Variants in TAFA5 observed in about 807,000 individuals in gnomAD.
TAFA5 encodes chemokine-like protein TAFA-5.
In TAFA5, 6 loss-of-function variants were observed where a neutral mutation model predicts 15.3. That is an observed-to-expected ratio of 0.39 (90% CI 0.21 to 0.77). The LOEUF is 0.77. Ranked by LOEUF, TAFA5 falls within the 30% of genes least tolerant of loss-of-function variation. The probability of loss-of-function intolerance (pLI) is 0.41; values close to 1 mark genes in which losing one functional copy is unlikely to be tolerated. For missense variants in TAFA5, 161 were observed against 193.1 expected, an observed-to-expected ratio of 0.83 and a Z score of 0.98; for synonymous variants, 103 against 80.7, an observed-to-expected ratio of 1.28 and a Z score of -1.48.
intron 1 of TAFA5, among the ~76,000 whole-genome samples, chr22:48,588,839 G>A (rs1404888989): frequency 2.0e-5 from 3 of 152,114 alleles, no homozygotes; most frequent in Non-Finnish European, 4.4e-5. Flanking sequence ...TGGACCGCAT[G>A]GAGCCAACCT....
chr22:48,620,945 CTATCTAT>C, intron 1 of TAFA5, among the ~76,000 whole-genome samples: 1 of 140,220 alleles, frequency 7.1e-6, no homozygotes. Flanking sequence ...CCCACCCACC[CTATCTAT>C]CCACCCATCC....
intron 1 of TAFA5, among the ~76,000 whole-genome samples, chr22:48,569,134 C>T (rs1305862301): frequency 6.6e-6 from 1 of 152,132 alleles, no homozygotes; most frequent in Non-Finnish European, 1.5e-5. Flanking sequence ...CTGGTTTTGG[C>T]CTCTGTGGGA....
At chr22:48,613,596 G>A (rs757821480) in intron 1 of TAFA5, among the ~76,000 whole-genome samples, 10 of 151,928 alleles carry the variant, frequency 6.6e-5, no homozygotes, top group South Asian at 4.2e-4. Flanking sequence ...AGCCTCCTCC[G>A]TGAATTAGAA....
rs551424226 is a variant in TAFA5 at position 48,594,609 on chromosome 22, G to A, written c.113-51988G>A. On this transcript the variant is annotated intron_variant, in intron 1 of 3. Transcript: ENST00000402357. ...TCCCCATAGGCTCATGCTCCCGTCG[G>A]CTGCCAGCCATCTCTGCATCCTGCC... Among the ~76,000 whole-genome samples, 19 of 152,328 alleles carry A rather than the reference G, an allele frequency of 1.2e-4. No individual in the cohort carries two copies. The South Asian group carries it at 3.1e-3, about 25-fold the overall frequency.
rs1926496090 is a variant in TAFA5, at chr22:48,637,591, G to A, written c.113-9006G>A. Among the ~76,000 whole-genome samples the A allele has an allele frequency of 2.0e-5, 3 of 152,296 alleles. No individual in the cohort carries two copies. The South Asian group carries it at 6.2e-4, about 32-fold the overall frequency. On this transcript the variant is annotated intron_variant, in intron 1 of 3. Coordinates refer to ENST00000402357, the MANE Select transcript of TAFA5 (RefSeq NM_001082967.3). ...CTGTGGTCATGAGGCGGCCTTGCCA[G>A]CCTGAGCTCTGCCGTTATCCCTGCT...
Position 48,506,858 on chromosome 22 carries a change from C to T in TAFA5, c.112+17154C>T, listed in dbSNP as rs140489636. 3.4e-4 allele frequency among the ~76,000 whole-genome samples: 52 copies of T among 152,306 alleles called. No individual in the cohort carries two copies. The East Asian group carries it at 8.7e-3, about 25-fold the overall frequency. On this transcript the variant is annotated intron_variant, in intron 1 of 3. Transcript: ENST00000402357. The stretch of plus-strand genomic sequence containing the variant: ...ACACCAAATTCATCAACATCCCTGG[C>T]ACACAGGCAGGGCTGGGAGGGCTGG...
chr22:48,602,533 T>A (rs1925011872), intron 1 of TAFA5, among the ~76,000 whole-genome samples: 1 of 152,194 alleles, frequency 6.6e-6, no homozygotes, highest in African/African-American at 2.4e-5. Context: ...CCTTGCAGTT[T>A]CTCTTCTTGG....
intron 2 of TAFA5, among the ~76,000 whole-genome samples, chr22:48,703,897 C>T (rs576356145): frequency 7.2e-5 from 11 of 152,344 alleles, no homozygotes; most frequent in East Asian, 1.9e-4. Context: ...AGAACTGGCC[C>T]GGGCAGATGC....
At chr22:48,601,716 C>A (rs528564427) in intron 1 of TAFA5, among the ~76,000 whole-genome samples, 2 of 152,306 alleles carry the variant, frequency 1.3e-5, no homozygotes, top group African/African-American at 4.8e-5. Context: ...GAACCCAGTT[C>A]TCCTCCCTCC....
chr22:48,592,727 T>TC (rs577495668), intron 1 of TAFA5, among the ~76,000 whole-genome samples: 10 of 149,030 alleles, frequency 6.7e-5, no homozygotes, highest in African/African-American at 2.4e-4. Flanking sequence ...GCCCTCCTGC[T>TC]CAGAGGCCTG....
intron 2 of TAFA5, among the ~76,000 whole-genome samples, chr22:48,682,948 C>T (rs1928241327): frequency 6.6e-6 from 1 of 152,192 alleles, no homozygotes; most frequent in African/African-American, 2.4e-5. Flanking sequence ...CCGTCTCTCC[C>T]CTTGTCTTGA....
At chr22:48,582,933 C>T (rs1180778102) in intron 1 of TAFA5, among the ~76,000 whole-genome samples, 7 of 146,986 alleles carry the variant, frequency 4.8e-5, no homozygotes, top group Non-Finnish European at 7.5e-5. Flanking sequence ...ACGCCACACA[C>T]GAAATACACC....
At chr22:48,556,694 G>A (rs985449690) in intron 1 of TAFA5, among the ~76,000 whole-genome samples, 4 of 152,178 alleles carry the variant, frequency 2.6e-5, no homozygotes, top group Admixed American at 6.5e-5. Flanking sequence ...GGTGGTTCCT[G>A]CAGTCCGACC....
intron 2 of TAFA5, among the ~76,000 whole-genome samples, chr22:48,691,208 G>A (rs57066676): frequency 3.0e-4 from 46 of 152,304 alleles, no homozygotes; most frequent in African/African-American, 9.6e-5. Context: ...GCTCGGGTGC[G>A]AGGTGCAGGG....
intron 1 of TAFA5, among the ~76,000 whole-genome samples, chr22:48,636,387 A>T (rs1230680610): frequency 6.6e-6 from 1 of 152,162 alleles, no homozygotes; most frequent in Non-Finnish European, 1.5e-5. Context: ...AACAAACTTG[A>T]TTTCACTGTA....
At chr22:48,597,781 G>A (rs989213017) in intron 1 of TAFA5, among the ~76,000 whole-genome samples, 2 of 152,252 alleles carry the variant, frequency 1.3e-5, no homozygotes, top group African/African-American at 4.8e-5. Context: ...AGACACACGT[G>A]GTAGGCACAG....
chr22:48,594,238 C>T (rs946166429), intron 1 of TAFA5, among the ~76,000 whole-genome samples: 10 of 152,278 alleles, frequency 6.6e-5, no homozygotes, highest in East Asian at 1.9e-4. Context: ...CAGCGAGGCT[C>T]GAGGACTGCA....
At chr22:48,707,409 G>T (rs989017887) in intron 2 of TAFA5, among the ~76,000 whole-genome samples, 3 of 152,180 alleles carry the variant, frequency 2.0e-5, no homozygotes, top group African/African-American at 7.2e-5. Context: ...AGACAGTGAG[G>T]CAGCCACACT....
chr22:48,693,005 C>T lies in TAFA5; in HGVS notation c.263-14712C>T, dbSNP rs117143362. On this transcript the variant is annotated intron_variant, in intron 2 of 3. Transcript: ENST00000402357. The stretch of plus-strand genomic sequence containing the variant: ...AGTGTAAGAACTCCGCGAGCCCGTG[C>T]TCACTATTCACAGAACTCAGCAGAA... Among the ~76,000 whole-genome samples the T allele has an allele frequency of 2.4e-3, 367 of 152,340 alleles. 5 individuals carry two copies. Among genetic ancestry groups the T allele is most frequent in the East Asian group, 0.02 (105 of 5,166 alleles).
Sources: gnomAD v4.1 joint callset for allele counts (sites outside exome capture counted in the v4.1 genomes callset) on GRCh38, gnomAD v4.1.1 for gene constraint, MANE v1.5 for transcripts, NCBI Gene and HGNC (gene_info 2026-07-23, HGNC 2026-07-21) for gene names.